Variants in ZNF827 observed in about 807,000 individuals in gnomAD.
The protein encoded by ZNF827 is zinc finger protein 827.
In ZNF827, 13 loss-of-function variants were observed where a neutral mutation model predicts 102.4. The observed-to-expected ratio is 0.13, with a 90% confidence interval of 0.08 to 0.20. The LOEUF is 0.20. Ranked by LOEUF, ZNF827 falls within the 10% of genes least tolerant of loss-of-function variation. The probability of loss-of-function intolerance (pLI) is 1.00; values close to 1 mark genes in which losing one functional copy is unlikely to be tolerated. For synonymous variants in ZNF827, 523 were observed against 536.2 expected, an observed-to-expected ratio of 0.98 and a Z score of 0.34; for missense variants, 1,103 against 1,344.4, an observed-to-expected ratio of 0.82 and a Z score of 2.81.
chr4:145,903,188 C>G lies in ZNF827; in HGVS notation c.71G>C (p.Gly24Ala). 6.2e-7 allele frequency: 1 copy of G among 1,611,514 alleles called. No individual in the cohort carries two copies. Among genetic ancestry groups the G allele is most frequent in the Non-Finnish European group, 8.5e-7 (1 of 1,178,038 alleles). Residue 24 changes from glycine (G) to alanine (A), a missense_variant, in exon 2 of 15, where the codon GGA (glycine) becomes GCA (alanine). This residue lies in a region of ZNF827 where 441 missense variants were observed against 458.6 expected (regional missense o/e 0.96). Coordinates refer to ENST00000508784, the MANE Select transcript of ZNF827 (RefSeq NM_001306215.2). ...SHVSRQEEAE[G>A]ELSEGEHWYG... Reference sequence around the variant, plus strand: ...CCAGTGTTCTCCTTCACTGAGCTCTCCCTCCGCCTCTTCCTGCCTACTAAC... The same window carrying G: ...CCAGTGTTCTCCTTCACTGAGCTCTGCCTCCGCCTCTTCCTGCCTACTAAC...
At chr4:145,845,842 G>T in intron 7 of ZNF827, 114 bp downstream of exon 7, 1 of 1,007,340 alleles carries the variant, frequency 9.9e-7, no homozygotes, top group Non-Finnish European at 1.5e-6. Flanking sequence ...GGTAAAGGGT[G>T]TGACTCCTTT....
chr4:145,780,915 C>A (rs766450189), intron 8 of ZNF827, among the ~76,000 whole-genome samples: 3 of 152,170 alleles, frequency 2.0e-5, no homozygotes, highest in African/African-American at 7.2e-5. Context: ...AAAATGCTCA[C>A]GCTGGGTGCA....
At chr4:145,882,036 A>C (rs1198938062) in intron 4 of ZNF827, among the ~76,000 whole-genome samples, 1 of 152,214 alleles carries the variant, frequency 6.6e-6, no homozygotes, top group Non-Finnish European at 1.5e-5. Context: ...GCATTTTGTG[A>C]AAAACTCCCC....
chr4:145,857,118 C>T (rs1747223466), intron 5 of ZNF827, among the ~76,000 whole-genome samples: 1 of 152,056 alleles, frequency 6.6e-6, no homozygotes, highest in South Asian at 2.1e-4. Context: ...CAGTATAATA[C>T]CTGGAAATTT....
intron 11 of ZNF827, among the ~76,000 whole-genome samples, chr4:145,772,818 C>T (rs2126926359): frequency 6.6e-6 from 1 of 152,336 alleles, no homozygotes; most frequent in Middle Eastern, 3.4e-3. Flanking sequence ...ATATTCTTTC[C>T]TGCTAGACAA....
intron 8 of ZNF827, among the ~76,000 whole-genome samples, chr4:145,820,377 G>C (rs138048998): frequency 1.8e-3 from 274 of 152,342 alleles, no homozygotes; most frequent in Non-Finnish European, 2.6e-3. Flanking sequence ...ATCTGAGAGA[G>C]TTCTCTGGGC....
chr4:145,829,396 A>T (rs1181584360), intron 7 of ZNF827, among the ~76,000 whole-genome samples: 3 of 152,146 alleles, frequency 2.0e-5, no homozygotes, highest in Non-Finnish European at 2.9e-5. Flanking sequence ...AGATTTTTTT[A>T]AAATAGTGAA....
chr4:145,803,223 C>A (rs1038128352), intron 8 of ZNF827, among the ~76,000 whole-genome samples: 1 of 151,942 alleles, frequency 6.6e-6, no homozygotes, highest in Non-Finnish European at 1.5e-5. Context: ...TAAAAGCCAC[C>A]AACTCAGTAC....
intron 8 of ZNF827, among the ~76,000 whole-genome samples, chr4:145,800,019 C>A (rs1324954885): frequency 8.0e-6 from 1 of 125,408 alleles, no homozygotes; most frequent in Non-Finnish European, 1.8e-5. Flanking sequence ...TTACAGCCAT[C>A]AAAATTTTAT....
At chr4:145,876,666 A>T (rs984078726) in intron 4 of ZNF827, 2 of 152,214 alleles carry the variant, frequency 1.3e-5, no homozygotes, top group Admixed American at 6.5e-5. Context: ...ACCTAGAGAG[A>T]TTAAATACAT....
intron 5 of ZNF827, among the ~76,000 whole-genome samples, chr4:145,862,912 T>C (rs1231227650): frequency 6.6e-6 from 1 of 152,090 alleles, no homozygotes; most frequent in Non-Finnish European, 1.5e-5. Context: ...TCATCAAAAT[T>C]AAAAACGTTC....
intron 1 of ZNF827, among the ~76,000 whole-genome samples, chr4:145,906,224 G>A (rs920575057): frequency 6.6e-5 from 10 of 152,180 alleles, no homozygotes; most frequent in Admixed American, 3.3e-4. Flanking sequence ...ACCGCTGAAC[G>A]ACGACTTCTA....
At chr4:145,893,878 C>T (rs565926832) in intron 2 of ZNF827, among the ~76,000 whole-genome samples, 23 of 150,910 alleles carry the variant, frequency 1.5e-4, no homozygotes, top group African/African-American at 5.6e-4. Context: ...CCAGTTTCTT[C>T]AACATGTAAG....
At position 145,902,001 on chromosome 4, in the gene ZNF827, T is replaced by C. The variant is rs543787951; in HGVS notation, c.1093+165A>G. Reference sequence around the variant, plus strand: ...GTGAAGTCTTTGTGTAATACGTACATGAAAGACTACTATGCTGCTTACTTA... The same window carrying C: ...GTGAAGTCTTTGTGTAATACGTACACGAAAGACTACTATGCTGCTTACTTA... On this transcript the variant is annotated intron_variant, in intron 2 of 14. Coordinates refer to ENST00000508784, the MANE Select transcript of ZNF827 (RefSeq NM_001306215.2). This position sits in a 1 kb window ranked among gnomAD's most constrained non-coding sequence, Gnocchi z 4.3. Among the ~76,000 whole-genome samples the C allele has an allele frequency of 4.6e-5, 7 of 152,386 alleles. No homozygotes were observed. The highest frequency in any genetic ancestry group is 1.7e-4 in the African/African-American group (7 of 41,590).
chr4:145,859,348 A>G (rs1397415266), intron 5 of ZNF827, among the ~76,000 whole-genome samples: 5 of 152,228 alleles, frequency 3.3e-5, no homozygotes, highest in African/African-American at 1.2e-4. Flanking sequence ...GGAGGTCACA[A>G]AGAAGAAATG....
intron 1 of ZNF827, among the ~76,000 whole-genome samples, chr4:145,923,385 ACC>A (rs1293540243): frequency 2.0e-5 from 3 of 151,560 alleles, no homozygotes; most frequent in Non-Finnish European, 4.4e-5. Context: ...CAGGCGGATC[ACC>A]TGAGGCCAGG....
At chr4:145,914,264 G>T (rs188985997) in intron 1 of ZNF827, among the ~76,000 whole-genome samples, 6 of 152,232 alleles carry the variant, frequency 3.9e-5, no homozygotes, top group Non-Finnish European at 7.4e-5. Context: ...AGACAAAATA[G>T]ATTTTTATTT....
chr4:145,826,749 C>CT (rs952183164), intron 7 of ZNF827, among the ~76,000 whole-genome samples: 5 of 151,942 alleles, frequency 3.3e-5, no homozygotes, highest in South Asian at 2.1e-4. Flanking sequence ...CACTGTGGGT[C>CT]TTTTTTTCTT....
chr4:145,814,502 G>C (rs1244760168), intron 8 of ZNF827, among the ~76,000 whole-genome samples: 1 of 152,088 alleles, frequency 6.6e-6, no homozygotes, highest in East Asian at 1.9e-4. Flanking sequence ...GAGGTCCCCA[G>C]GGAAATTAAT....
Sources: gnomAD v4.1 joint callset for allele counts (sites outside exome capture counted in the v4.1 genomes callset) on GRCh38, gnomAD v4.1.1 for gene constraint, gnomAD v4.1.1 regional missense constraint, Gnocchi (gnomAD v3.1) non-coding constraint, MANE v1.5 for transcripts, NCBI Gene and HGNC (gene_info 2026-07-23, HGNC 2026-07-21) for gene names.